LYPLA1: variants seen among roughly 807,000 people sequenced by gnomAD.
LYPLA1 encodes acyl-protein thioesterase 1.
Under a neutral mutation model 34.0 loss-of-function variants are expected in LYPLA1, and 17 were observed. The ratio of observed to expected loss-of-function variants is 0.50; its 90% confidence interval spans 0.34 to 0.75. The LOEUF (loss-of-function observed/expected upper bound fraction) is 0.75, where lower values mean the gene tolerates loss of function less well. Among genes scored for constraint, LYPLA1 ranks in the 30% least tolerant of loss-of-function variants. LYPLA1 has a pLI of 0.01. For synonymous variants in LYPLA1, 98 were observed against 100.8 expected, an observed-to-expected ratio of 0.97 and a Z score of 0.17; for missense variants, 203 against 288.8, an observed-to-expected ratio of 0.70 and a Z score of 2.15.
intron 2 of LYPLA1, among the ~76,000 whole-genome samples, chr8:54,076,887 G>T (rs572337782): frequency 3.3e-5 from 5 of 152,116 alleles, no homozygotes; most frequent in African/African-American, 1.2e-4. Flanking sequence ...CTCTGTTCGG[G>T]GCTCTCAGCT....
intron 2 of LYPLA1, among the ~76,000 whole-genome samples, chr8:54,091,022 T>A (rs1304614818): frequency 6.6e-6 from 1 of 152,178 alleles, no homozygotes; most frequent in African/African-American, 2.4e-5. Context: ...TTACCCAGTT[T>A]CGGTAATTAT....
chr8:54,085,025 T>C (rs1321782343), intron 2 of LYPLA1, among the ~76,000 whole-genome samples: 3 of 151,736 alleles, frequency 2.0e-5, no homozygotes, highest in Non-Finnish European at 2.9e-5. Flanking sequence ...CCTCTCCCTC[T>C]TTGCACAGTC....
chr8:54,096,898 C>T (rs961183351), intron 2 of LYPLA1, among the ~76,000 whole-genome samples: 1 of 151,654 alleles, frequency 6.6e-6, no homozygotes, highest in African/African-American at 2.4e-5. Context: ...GGTGACAGAG[C>T]GAGATTCTGT....
At chr8:54,098,176 T>C (rs1809832587) in intron 2 of LYPLA1, among the ~76,000 whole-genome samples, 1 of 151,906 alleles carries the variant, frequency 6.6e-6, no homozygotes, top group Non-Finnish European at 1.5e-5. Context: ...TGAGCCATGA[T>C]TGTGTCACTG....
chr8:54,052,955 G>C, intron 6 of LYPLA1, 199 bp from the exon 7 acceptor site: 2 of 497,672 alleles, frequency 4.0e-6, no homozygotes, highest in Middle Eastern at 3.4e-4. Flanking sequence ...AGAACATACA[G>C]ACTTCCTTTC....
chr8:54,101,088 T>C, intron 1 of LYPLA1, 149 bp from the exon 2 acceptor site: 3 of 540,204 alleles, frequency 5.6e-6, no homozygotes, highest in Non-Finnish European at 9.2e-6. Flanking sequence ...TTTATCGACC[T>C]CTTTTAAATG....
At chr8:54,092,278 A>G (rs1248217548) in intron 2 of LYPLA1, among the ~76,000 whole-genome samples, 1 of 148,998 alleles carries the variant, frequency 6.7e-6, no homozygotes, top group Non-Finnish European at 1.5e-5. Context: ...AAGGAGAAAG[A>G]AGGAAGAGAA....
chr8:54,089,467 T>C (rs1809045362), intron 2 of LYPLA1, among the ~76,000 whole-genome samples: 1 of 141,052 alleles, frequency 7.1e-6, no homozygotes, highest in Admixed American at 7.4e-5. Flanking sequence ...TAGGGTTTGG[T>C]ACTCTCTGTG....
chr8:54,073,721 T>G (rs1217819926), intron 2 of LYPLA1, among the ~76,000 whole-genome samples: 1 of 152,188 alleles, frequency 6.6e-6, no homozygotes, highest in African/African-American at 2.4e-5. Flanking sequence ...TCTCTAACAT[T>G]TCCTTATAGT....
At position 54,101,895 on chromosome 8, in the gene LYPLA1, G is replaced by A. The variant is rs984202860; in HGVS notation, c.-72C>T. On this transcript the variant is annotated 5_prime_UTR_variant, in exon 1 of 9. Transcript: ENST00000316963. ...GGCCGCGGCCCAAGGGCGTGCGAGCGGCGAGTCCCGGCCGGCCCCACCGGG... is the reference window on the plus strand; with the variant it reads ...GGCCGCGGCCCAAGGGCGTGCGAGCAGCGAGTCCCGGCCGGCCCCACCGGG... 8 of 935,634 alleles carry A rather than the reference G, an allele frequency of 8.6e-6. No individual in the cohort carries two copies. In the East Asian group the frequency reaches 1.8e-4, roughly 21 times the overall value. The allele number at this position is 935,634 out of a possible 1,614,324, so 58.0% of individuals were successfully genotyped here.
At chr8:54,088,522 T>TA (rs1213459339) in intron 2 of LYPLA1, among the ~76,000 whole-genome samples, 1 of 152,126 alleles carries the variant, frequency 6.6e-6, no homozygotes, top group South Asian at 2.1e-4. Context: ...GGCAGAAGTG[T>TA]AAAAAAGTGC....
At chr8:54,094,070 T>C (rs1251129389) in intron 2 of LYPLA1, among the ~76,000 whole-genome samples, 3 of 152,242 alleles carry the variant, frequency 2.0e-5, no homozygotes, top group Non-Finnish European at 4.4e-5. Context: ...CAATTTATTT[T>C]AAATCCTCAC....
chr8:54,050,154 A>G (rs1398679811), intron 8 of LYPLA1, among the ~76,000 whole-genome samples: 2 of 152,194 alleles, frequency 1.3e-5, no homozygotes, highest in African/African-American at 4.8e-5. Flanking sequence ...ACTTCAGACA[A>G]GTATTTCCAA....
chr8:54,089,708 C>T (rs937135826), intron 2 of LYPLA1, among the ~76,000 whole-genome samples: 1 of 151,612 alleles, frequency 6.6e-6, no homozygotes, highest in Non-Finnish European at 1.5e-5. Context: ...ACTGCAGCCT[C>T]GACCTCCCAG....
intron 2 of LYPLA1, among the ~76,000 whole-genome samples, chr8:54,097,072 T>C (rs1809742522): frequency 6.6e-6 from 1 of 152,038 alleles, no homozygotes; most frequent in Non-Finnish European, 1.5e-5. Context: ...CAATTATCAA[T>C]GGATGATAAA....
At chr8:54,096,642 C>T (rs1403520571) in intron 2 of LYPLA1, among the ~76,000 whole-genome samples, 1 of 151,818 alleles carries the variant, frequency 6.6e-6, no homozygotes, top group Non-Finnish European at 1.5e-5. Flanking sequence ...ACTCATGAGG[C>T]TGAGGCAGGA....
chr8:54,052,505 G>A (rs979272448), intron 7 of LYPLA1, 150 bp downstream of exon 7: 1 of 589,540 alleles, frequency 1.7e-6, no homozygotes, highest in South Asian at 2.2e-5. Context: ...TAGTAACTCT[G>A]TACCTTCTGC....
At chr8:54,046,061 AAAAAT>A (rs963884217), downstream of LYPLA1, among the ~76,000 whole-genome samples, 19 of 152,190 alleles carry the variant, frequency 1.2e-4, no homozygotes, top group East Asian at 3.8e-4. Flanking sequence ...ACTCTGTCTC[AAAAAT>A]AAAATAAAAT....
At chr8:54,084,983 T>A (rs1334038974) in intron 2 of LYPLA1, among the ~76,000 whole-genome samples, 1 of 145,354 alleles carries the variant, frequency 6.9e-6, no homozygotes, top group Non-Finnish European at 1.5e-5. Flanking sequence ...CCTCTCCCTC[T>A]CCCTCCTCTC....
Sources: allele counts gnomAD v4.1 joint callset (sites outside exome capture counted in the v4.1 genomes callset), GRCh38; gene constraint gnomAD v4.1.1; transcripts MANE v1.5; gene names NCBI Gene and HGNC (gene_info 2026-07-23, HGNC 2026-07-21).